The following DNASE1 variants were observed in gnomAD, a reference collection of about 807,000 sequenced individuals.
DNASE1 encodes the protein deoxyribonuclease 1.
In DNASE1, 40 loss-of-function variants were observed where a neutral mutation model predicts 33.9. That is an observed-to-expected ratio of 1.18 (90% confidence interval 0.92 to 1.54). The LOEUF is 1.54. Among genes scored for constraint, DNASE1 ranks in the 40% most tolerant of loss-of-function variants. The pLI, the probability that DNASE1 is intolerant of heterozygous loss-of-function variation, is 0.00. For synonymous variants in DNASE1, 216 were observed against 160.0 expected (o/e 1.35, Z -2.64); for missense variants, 518 against 372.6 (o/e 1.39, Z -3.21).
chr16:3,613,165 A>C (rs1240703363), intron 1 of DNASE1, among the ~76,000 whole-genome samples: 1 of 151,268 alleles, frequency 6.6e-6, no homozygotes, highest in African/African-American at 2.4e-5. Context: ...CCTGGCAATC[A>C]CTTATCGGCT....
At chr16:3,640,398 G>C (rs919826463), upstream of DNASE1, among the ~76,000 whole-genome samples, 5 of 152,200 alleles carry the variant, frequency 3.3e-5, no homozygotes, top group African/African-American at 7.2e-5. Context: ...CAGAAAGACT[G>C]CAGGTTCCGG....
exon 10 of DNASE1, chr16:3,663,324 G>A: frequency 6.6e-7 from 1 of 1,510,988 alleles, no homozygotes; most frequent in Non-Finnish European, 9.0e-7. Flanking sequence ...CTGAGCCCAG[G>A]TCAACTGACG....
intron 1 of DNASE1, among the ~76,000 whole-genome samples, 126 bp from the exon 2 acceptor site, chr16:3,655,218 GCTTTCTGGACGTTGTAGGAAAGGGTTTCC>G (rs1457567457): frequency 6.6e-6 from 1 of 152,180 alleles, no homozygotes; most frequent in Non-Finnish European, 1.5e-5. Flanking sequence ...CAGCTGTTTG[GCTTTCTGGACGTTGTAGGAAAGGGTTTCC>G]CCCGCCTGCG....
At chr16:3,637,400 C>A (rs1209210352) in intron 1 of DNASE1, among the ~76,000 whole-genome samples, 1 of 152,140 alleles carries the variant, frequency 6.6e-6, no homozygotes, top group East Asian at 1.9e-4. Context: ...GTCCTAAGTC[C>A]TGTGACTAGG....
chr16:3,639,130 C>T (rs1297211417), upstream of DNASE1, among the ~76,000 whole-genome samples: 3 of 152,160 alleles, frequency 2.0e-5, no homozygotes, highest in Admixed American at 6.6e-5. Flanking sequence ...TCTGTTATAG[C>T]AGTTATCAGT....
intron 2 of DNASE1, 55 bp downstream of exon 2, chr16:3,655,575 G>C: frequency 6.2e-7 from 1 of 1,611,942 alleles, no homozygotes; most frequent in African/African-American, 1.3e-5. Flanking sequence ...GTCTAGGGCT[G>C]GTGGGCAGGG....
chr16:3,645,196 T>G (rs1472020004), intron 1 of DNASE1, among the ~76,000 whole-genome samples: 1 of 152,102 alleles, frequency 6.6e-6, no homozygotes, highest in East Asian at 1.9e-4. Context: ...ACCAGCCCAC[T>G]TTACACTGTG....
intron 1 of DNASE1, among the ~76,000 whole-genome samples, chr16:3,630,681 A>G (rs1172328824): frequency 6.6e-6 from 1 of 151,656 alleles, no homozygotes; most frequent in Admixed American, 6.6e-5. Flanking sequence ...TGCATGGAAT[A>G]TGTTTTTCCA....
chr16:3,643,219 G>A (rs576634408), intron 1 of DNASE1, among the ~76,000 whole-genome samples: 4 of 152,362 alleles, frequency 2.6e-5, no homozygotes, highest in South Asian at 4.1e-4. Flanking sequence ...GGACCTGAGG[G>A]GCCAAGACCC....
chr16:3,613,908 ATTTTT>A (rs200976238), intron 1 of DNASE1, among the ~76,000 whole-genome samples: 8 of 113,140 alleles, frequency 7.1e-5, no homozygotes, highest in African/African-American at 2.2e-4. Context: ...CGCCTGGCTA[ATTTTT>A]TTTTTTTTTT....
At chr16:3,645,363 G>A (rs1412460964) in intron 1 of DNASE1, among the ~76,000 whole-genome samples, 1 of 152,208 alleles carries the variant, frequency 6.6e-6, no homozygotes, top group Non-Finnish European at 1.5e-5. Flanking sequence ...GACCCTTGTT[G>A]GAAACATCAG....
At chr16:3,618,368 A>G (rs780839146) in intron 1 of DNASE1, among the ~76,000 whole-genome samples, 7 of 152,222 alleles carry the variant, frequency 4.6e-5, no homozygotes, top group Non-Finnish European at 8.8e-5. Context: ...GTTCCTGAAC[A>G]AGTTAAAGAT....
intron 1 of DNASE1, among the ~76,000 whole-genome samples, chr16:3,626,498 T>A (rs773210858): frequency 6.6e-6 from 1 of 152,240 alleles, no homozygotes; most frequent in Non-Finnish European, 1.5e-5. Flanking sequence ...GATCATACTT[T>A]ATATGATTTC....
chr16:3,658,111 C>T (rs773262735), downstream of DNASE1: 17 of 1,613,104 alleles, frequency 1.1e-5, no homozygotes, highest in Non-Finnish European at 1.4e-5. Context: ...GGTGTCAGTC[C>T]TTCTGGCCCC....
Position 3,655,887 on chromosome 16 carries a change from CAG to C in DNASE1, c.190_191del (p.Asp64GlnfsTer27), listed in dbSNP as rs2042572846. On this transcript the variant is annotated frameshift_variant, in exon 3 of 9. Transcript: ENST00000246949. LOFTEE classifies it high-confidence loss of function. ...ATGACATCGCCCTGGTCCAGGAGGT[CAG>C]AGACAGCCACCTGACTGCCGTGGGG... ...RYDIALVQEV[R>X]DSHLTAVGKL... 1.2e-6 allele frequency: 2 copies of C among 1,613,912 alleles called. No individual in the cohort carries two copies. Among genetic ancestry groups the C allele is most frequent in the African/African-American group, 2.7e-5 (2 of 74,932 alleles).
chr16:3,658,936 A>G (rs1416446537), downstream of DNASE1: 1 of 1,504,672 alleles, frequency 6.6e-7, no homozygotes, highest in Non-Finnish European at 9.2e-7. Flanking sequence ...ATGTTTTGGG[A>G]TTATCAGGAT....
chr16:3,626,798 G>A (rs976098812), intron 1 of DNASE1, among the ~76,000 whole-genome samples: 6 of 152,274 alleles, frequency 3.9e-5, no homozygotes, highest in African/African-American at 1.2e-4. Flanking sequence ...TGTTAGATGC[G>A]TATGCACTTA....
intron 4 of DNASE1, among the ~76,000 whole-genome samples, chr16:3,656,389 TCCCGGACCAA>T: frequency 7.5e-6 from 1 of 133,222 alleles, no homozygotes; most frequent in East Asian, 2.3e-4. Flanking sequence ...GTCGCCTGGG[TCCCGGACCAA>T]TGGGTTGAGC....
downstream of DNASE1, chr16:3,661,652 T>C: frequency 3.7e-6 from 1 of 267,532 alleles, no homozygotes; most frequent in Non-Finnish European, 7.0e-6. Context: ...ACGTGAGACT[T>C]CAGCAAACAC....
Sources: allele counts gnomAD v4.1 joint callset (sites outside exome capture counted in the v4.1 genomes callset), GRCh38; gene constraint gnomAD v4.1.1; transcripts MANE v1.5; gene names NCBI Gene and HGNC (gene_info 2026-07-23, HGNC 2026-07-21).